The following EPHA6 variants were observed in gnomAD, a reference collection of about 807,000 sequenced individuals.
EPHA6 encodes EPH receptor A6.
In EPHA6, 50 loss-of-function variants were observed where a neutral mutation model predicts 112.0. That is an observed-to-expected ratio of 0.45 (90% CI 0.36 to 0.56). The LOEUF (loss-of-function observed/expected upper bound fraction) is 0.56, where lower values mean the gene tolerates loss of function less well. Ranked by LOEUF, EPHA6 falls within the 20% of genes least tolerant of loss-of-function variation. EPHA6 has a pLI of 0.00. For synonymous variants in EPHA6, 529 were observed against 490.7 expected (o/e 1.08, Z -1.03); for missense variants, 1,280 against 1,417.4 (o/e 0.90, Z 1.56).
chr3:97,521,743 G>A (rs1445991906), intron 10 of EPHA6, among the ~76,000 whole-genome samples: 3 of 152,050 alleles, frequency 2.0e-5, no homozygotes, highest in African/African-American at 7.2e-5. Flanking sequence ...AATTAGGTTG[G>A]GTAAGCTTGT....
At chr3:97,222,179 T>C (rs771293982) in intron 3 of EPHA6, among the ~76,000 whole-genome samples, 7 of 152,178 alleles carry the variant, frequency 4.6e-5, no homozygotes, top group Non-Finnish European at 1.0e-4. Context: ...CTCGACACAA[T>C]AGTTGTAATC....
intron 4 of EPHA6, among the ~76,000 whole-genome samples, chr3:97,233,891 G>A (rs1449479581): frequency 1.3e-5 from 2 of 152,120 alleles, no homozygotes; most frequent in Non-Finnish European, 2.9e-5. Context: ...CCTAGTAGGT[G>A]AAAATTTCAT....
intron 5 of EPHA6, among the ~76,000 whole-genome samples, chr3:97,267,954 T>TA (rs924150047): frequency 3.9e-5 from 6 of 152,186 alleles, no homozygotes; most frequent in Admixed American, 1.3e-4. Context: ...CTTCCTTGAA[T>TA]AAAAAAAGAG....
At chr3:97,326,005 T>C (rs991963522) in intron 5 of EPHA6, among the ~76,000 whole-genome samples, 1 of 142,374 alleles carries the variant, frequency 7.0e-6, no homozygotes, top group Non-Finnish European at 1.5e-5. Flanking sequence ...ATATGAGAGA[T>C]TTAAGTAGTT....
At chr3:97,252,961 G>A (rs1056616721) in intron 5 of EPHA6, among the ~76,000 whole-genome samples, 33 of 152,048 alleles carry the variant, frequency 2.2e-4, no homozygotes, top group Admixed American at 6.6e-5. Flanking sequence ...TATAATCAAT[G>A]ATTCTGACAC....
intron 3 of EPHA6, among the ~76,000 whole-genome samples, chr3:96,994,798 G>A (rs892412884): frequency 1.5e-5 from 2 of 136,530 alleles, no homozygotes; most frequent in Non-Finnish European, 3.1e-5. Flanking sequence ...ATATGTGTGT[G>A]TATATATATA....
intron 3 of EPHA6, among the ~76,000 whole-genome samples, chr3:97,194,098 TC>T (rs2077378487): frequency 6.6e-6 from 1 of 151,990 alleles, no homozygotes; most frequent in Admixed American, 6.6e-5. Flanking sequence ...TTATTTCCTT[TC>T]TTCTAATTTT....
intron 12 of EPHA6, among the ~76,000 whole-genome samples, chr3:97,603,225 A>G (rs2093656358): frequency 6.6e-6 from 1 of 151,912 alleles, no homozygotes; most frequent in Non-Finnish European, 1.5e-5. Context: ...CTTTTTTCCT[A>G]TATGATAATT....
chr3:97,405,266 T>C lies in EPHA6; in HGVS notation c.1723T>C (p.Tyr575His), dbSNP rs1403290507. The change falls in exon 6 of 18, where the codon TAT (tyrosine) becomes CAT (histidine). Residue 575 changes from tyrosine to histidine, a missense_variant. Tyr to His is a moderately conservative substitution (Grantham distance 83). Around this residue, in one of 4 missense-constraint regions of EPHA6, gnomAD observed 878 missense variants for 999.7 expected, o/e 0.88. Coordinates refer to ENST00000389672, the MANE Select transcript of EPHA6 (RefSeq NM_001080448.3). ...GAILDYEIKY[Y>H]EKEHEQLTYS... ...CATTCTGGACTACGAGATCAAGTACTATGAGAAAGTAGGTCTTATTTGGAG... is the reference window on the plus strand; with the variant it reads ...CATTCTGGACTACGAGATCAAGTACCATGAGAAAGTAGGTCTTATTTGGAG... 1 of 1,611,404 alleles carries C rather than the reference T, an allele frequency of 6.2e-7. No homozygotes were observed. Among genetic ancestry groups the C allele is most frequent in the Non-Finnish European group, 8.5e-7 (1 of 1,178,630 alleles).
chr3:96,833,341 A>G (rs1252542848), intron 1 of EPHA6, among the ~76,000 whole-genome samples: 1 of 151,722 alleles, frequency 6.6e-6, no homozygotes, highest in Non-Finnish European at 1.5e-5. Flanking sequence ...ACAAAAAACT[A>G]GGAAGGAGGC....
chr3:96,929,349 GT>G (rs1231482832), intron 2 of EPHA6, among the ~76,000 whole-genome samples: 1 of 152,188 alleles, frequency 6.6e-6, no homozygotes, highest in Non-Finnish European at 1.5e-5. Flanking sequence ...GTACCTCAGT[GT>G]GTTTTAATAT....
At chr3:97,250,995 AGC>A (rs2079120965) in intron 5 of EPHA6, among the ~76,000 whole-genome samples, 1 of 151,452 alleles carries the variant, frequency 6.6e-6, no homozygotes, top group Admixed American at 6.6e-5. Flanking sequence ...CCTCCCAAGT[AGC>A]TGGGATTACA....
intron 3 of EPHA6, among the ~76,000 whole-genome samples, chr3:97,166,891 C>T (rs1302404757): frequency 1.3e-5 from 2 of 152,094 alleles, no homozygotes; most frequent in African/African-American, 4.8e-5. Flanking sequence ...GAAACATAAT[C>T]AGACTCCTAA....
chr3:97,614,978 C>T (rs970555139), intron 13 of EPHA6, among the ~76,000 whole-genome samples: 1 of 152,086 alleles, frequency 6.6e-6, no homozygotes. Flanking sequence ...ACCAAGATGG[C>T]TGACTAGAAG....
intron 11 of EPHA6, among the ~76,000 whole-genome samples, chr3:97,542,717 A>T (rs917103041): frequency 3.3e-4 from 51 of 152,296 alleles, no homozygotes; most frequent in African/African-American, 1.1e-3. Context: ...ACCAACAGTG[A>T]AAAAGTATTC....
intron 5 of EPHA6, among the ~76,000 whole-genome samples, chr3:97,375,327 T>C (rs983774110): frequency 2.0e-5 from 3 of 152,154 alleles, no homozygotes; most frequent in Admixed American, 1.3e-4. Context: ...ACTGAGAAAA[T>C]ACCAGGAAGA....
In EPHA6 at chr3:97,107,191, T is replaced by C. The variant is rs2047593923; in HGVS notation, c.1115-119073T>C. 2.0e-5 allele frequency among the ~76,000 whole-genome samples: 3 copies of C among 152,274 alleles called. No individual in the cohort carries two copies. The South Asian group carries it at 6.2e-4, about 32-fold the overall frequency. ...TAAGTAAATGTAATTTACTTTGTAA[T>C]TTACATTACAAAAGTGATGTTTTCA... On this transcript the variant is annotated intron_variant, in intron 3 of 17. Transcript: ENST00000389672.
intron 3 of EPHA6, among the ~76,000 whole-genome samples, chr3:97,069,126 A>G (rs1387568653): frequency 6.6e-6 from 1 of 152,162 alleles, no homozygotes. Flanking sequence ...CAGTTTAACT[A>G]CTAATAGCCT....
chr3:97,110,936 C>T (rs552710997), intron 3 of EPHA6, among the ~76,000 whole-genome samples: 1 of 152,038 alleles, frequency 6.6e-6, no homozygotes, highest in Non-Finnish European at 1.5e-5. Flanking sequence ...GGAAGTACTA[C>T]AAAATATGTG....
Sources: allele counts gnomAD v4.1 joint callset (sites outside exome capture counted in the v4.1 genomes callset), GRCh38; gene constraint gnomAD v4.1.1; regional missense constraint gnomAD v4.1.1; transcripts MANE v1.5; gene names NCBI Gene and HGNC (gene_info 2026-07-23, HGNC 2026-07-21).